The following IQGAP1 variants were observed in gnomAD, a reference collection of about 807,000 sequenced individuals.
IQGAP1 encodes the protein ras GTPase-activating-like protein IQGAP1.
IQGAP1 carries 66 observed loss-of-function variants against 215.6 expected under a neutral mutation model. The observed-to-expected ratio is 0.31, with a 90% CI of 0.25 to 0.38. IQGAP1 has a LOEUF of 0.38. IQGAP1 is among the 10% of genes least tolerant of loss of function. IQGAP1 has a pLI of 1.00. For missense variants in IQGAP1, 1,712 were observed against 1,997.1 expected (o/e 0.86, Z 2.72); for synonymous variants, 772 against 728.7 (o/e 1.06, Z -0.96).
chr15:90,456,408 G>T lies in IQGAP1; in HGVS notation c.1776+93G>T, dbSNP rs923162208. 21 of 1,256,936 alleles carry T rather than the reference G, an allele frequency of 1.7e-5. 1 individual carries two copies. The East Asian group carries it at 2.0e-4, about 12-fold the overall frequency. The allele number at this position is 1,256,936 out of a possible 1,614,324, so 77.9% of individuals were successfully genotyped here. ...AGGAATATCTTCCTTGATTCATTCAGTGAATGCCTTCTGGGCACCCTTAGA... is the reference window on the plus strand; with the variant it reads ...AGGAATATCTTCCTTGATTCATTCATTGAATGCCTTCTGGGCACCCTTAGA... On this transcript the variant is annotated intron_variant, in intron 15 of 37. Transcript: ENST00000268182.
At position 90,474,565 on chromosome 15, in the gene IQGAP1, G is replaced by A. The variant is rs1264241453; in HGVS notation, c.2656G>A (p.Glu886Lys). 6.2e-7 allele frequency: 1 copy of A among 1,614,182 alleles called. No homozygotes were observed. The highest frequency in any genetic ancestry group is 1.1e-5 in the South Asian group (1 of 91,080). ...LDQSDQDFQEELDLMKMREEV... is the reference protein window; with the variant it reads ...LDQSDQDFQEKLDLMKMREEV... ...CCAAAGTGACCAGGATTTTCAGGAGGAGCTTGACCTTATGAAGATGCGGGA... is the reference window on the plus strand; with the variant it reads ...CCAAAGTGACCAGGATTTTCAGGAGAAGCTTGACCTTATGAAGATGCGGGA... Residue 886 changes from glutamate (E) to lysine (K), a missense_variant, in exon 23 of 38, where the codon GAG (glutamate) becomes AAG (lysine). By Grantham distance (56) the Glu-to-Lys change is moderately conservative (BLOSUM62 1). This residue lies in a region of IQGAP1 where 1,021 missense variants were observed against 1,074.2 expected (regional missense o/e 0.95). Coordinates refer to ENST00000268182, the MANE Select transcript of IQGAP1 (RefSeq NM_003870.4).
intron 2 of IQGAP1, among the ~76,000 whole-genome samples, chr15:90,394,188 GTTTTTTTTT>G (rs34483049): frequency 8.0e-6 from 1 of 124,280 alleles, no homozygotes; most frequent in Non-Finnish European, 1.6e-5. Flanking sequence ...TGATCTTCAG[GTTTTTTTTT>G]TTTTTTTTAA....
chr15:90,413,760 T>C (rs1965002937), intron 2 of IQGAP1, among the ~76,000 whole-genome samples: 1 of 152,218 alleles, frequency 6.6e-6, no homozygotes, highest in East Asian at 1.9e-4. Context: ...TAGTATTTGG[T>C]ATGTATCATC....
chr15:90,489,699 C>T (rs1164498797), intron 33 of IQGAP1, among the ~76,000 whole-genome samples: 1 of 152,144 alleles, frequency 6.6e-6, no homozygotes, highest in Non-Finnish European at 1.5e-5. Context: ...TCTCAGCTGT[C>T]AGTTGCTATG....
intron 4 of IQGAP1, 104 bp from the exon 5 acceptor site, chr15:90,433,615 G>A: frequency 1.5e-6 from 1 of 671,852 alleles, no homozygotes; most frequent in Non-Finnish European, 2.6e-6. Context: ...TGCCACCGAT[G>A]TTTTCTAACT....
At chr15:90,429,561 A>T in intron 3 of IQGAP1, 28 bp from the exon 4 acceptor site, 1 of 1,518,320 alleles carries the variant, frequency 6.6e-7, no homozygotes, top group Non-Finnish European at 8.9e-7. Flanking sequence ...TACAGCCAAT[A>T]ATACCTAATT....
chr15:90,500,108 A>G lies in IQGAP1; in HGVS notation c.4974A>G (p.Ter1658=), dbSNP rs1596297809. Residue 1658 remains the stop codon, a stop_retained_variant, in exon 38 of 38, where the codon TAA becomes TAG. Coordinates refer to ENST00000268182, the MANE Select transcript of IQGAP1 (RefSeq NM_003870.4). ...FLLNKKFYGK[*] ...TCAACAAAAAGTTCTACGGGAAGTAATTGATCGTTTGCTGCCAGCCCAGAA... is the reference window on the plus strand; with the variant it reads ...TCAACAAAAAGTTCTACGGGAAGTAGTTGATCGTTTGCTGCCAGCCCAGAA... 6.4e-7 allele frequency: 1 copy of G among 1,551,236 alleles called. No homozygotes were observed. Among genetic ancestry groups the G allele is most frequent in the Non-Finnish European group, 8.9e-7 (1 of 1,122,664 alleles).
intron 15 of IQGAP1, among the ~76,000 whole-genome samples, chr15:90,463,425 A>G (rs768386753): frequency 1.3e-5 from 2 of 152,176 alleles, no homozygotes; most frequent in Non-Finnish European, 2.9e-5. Flanking sequence ...TTATGATACG[A>G]GGATTTTTCT....
chr15:90,435,261 G>A (rs1483981622), intron 5 of IQGAP1, among the ~76,000 whole-genome samples: 1 of 152,120 alleles, frequency 6.6e-6, no homozygotes, highest in Non-Finnish European at 1.5e-5. Context: ...AGGATTGCTT[G>A]AAGCCAGGAG....
intron 23 of IQGAP1, among the ~76,000 whole-genome samples, chr15:90,475,094 G>A (rs956742436): frequency 2.0e-5 from 3 of 148,654 alleles, no homozygotes; most frequent in Non-Finnish European, 3.0e-5. Flanking sequence ...CTGCCTCGCA[G>A]GTTCAGCGAT....
At chr15:90,494,113 A>G (rs564174285) in intron 35 of IQGAP1, 1 of 152,082 alleles carries the variant, frequency 6.6e-6, no homozygotes, top group East Asian at 1.9e-4. Flanking sequence ...AGTTGTTTCC[A>G]GTTGTTTGTT....
chr15:90,423,923 A>T (rs1320210423), intron 2 of IQGAP1, among the ~76,000 whole-genome samples: 1 of 151,944 alleles, frequency 6.6e-6, no homozygotes, highest in Non-Finnish European at 1.5e-5. Flanking sequence ...AAACCTAAAT[A>T]CCTCTGGTAA....
In IQGAP1 at chr15:90,484,303, C is replaced by G. The variant is rs1305618640; in HGVS notation, c.3872C>G (p.Thr1291Ser). 6 of 1,612,572 alleles carry G rather than the reference C, an allele frequency of 3.7e-6. No homozygotes were observed. Among genetic ancestry groups the G allele is most frequent in the Non-Finnish European group, 5.1e-6 (6 of 1,178,742 alleles). ...VDEYSDLVTL[T>S]KPVIYISIGE... is the part of the protein sequence containing the mutation. The stretch of plus-strand genomic sequence containing the variant: ...GAGTACTCTGATTTAGTAACCCTCA[C>G]CAAACCAGTAATCTACATTTCCATT... Residue 1291 changes from threonine (T) to serine (S), a missense_variant, in exon 30 of 38, where the codon ACC becomes AGC. Thr to Ser is a moderately conservative substitution (Grantham distance 58, BLOSUM62 1). Transcript: ENST00000268182.
chr15:90,487,611 T>C, intron 33 of IQGAP1, 29 bp downstream of exon 33: 1 of 1,448,708 alleles, frequency 6.9e-7, no homozygotes, highest in East Asian at 2.3e-5. Flanking sequence ...CATACTCCTT[T>C]GTTTGGTAGA....
intron 3 of IQGAP1, among the ~76,000 whole-genome samples, chr15:90,427,214 A>G (rs1279890363): frequency 6.6e-6 from 1 of 152,106 alleles, no homozygotes. Flanking sequence ...GGGAGTTAGT[A>G]TTGCGCCACT....
chr15:90,392,251 T>G (rs1267438293), intron 2 of IQGAP1, among the ~76,000 whole-genome samples: 1 of 152,222 alleles, frequency 6.6e-6, no homozygotes, highest in Admixed American at 6.5e-5. Context: ...AGTGATGACT[T>G]AAGTGAGGAG....
At chr15:90,454,048 C>T (rs1030983166) in intron 13 of IQGAP1, among the ~76,000 whole-genome samples, 2 of 152,192 alleles carry the variant, frequency 1.3e-5, no homozygotes, top group Non-Finnish European at 2.9e-5. Context: ...TAAGCATTCA[C>T]GTGATATTTT....
At chr15:90,469,536 C>A (rs1296685118) in intron 18 of IQGAP1, among the ~76,000 whole-genome samples, 1 of 152,138 alleles carries the variant, frequency 6.6e-6, no homozygotes, top group Non-Finnish European at 1.5e-5. Flanking sequence ...CTGTTCTGGG[C>A]ATTGAGAAGA....
rs1252558787 is a variant in IQGAP1, at chr15:90,426,156, C to G, written c.202C>G (p.Leu68Val). Reference protein sequence around the residue: ...LGEDLPPTTELEEGLRNGVYL... With the variant: ...LGEDLPPTTEVEEGLRNGVYL... ...GGAAGATCTGCCTCCCACCACAGAA[C>G]TGGAGGAGGGGCTTAGGAATGGGGT... The change falls in exon 3 of 38, where the codon CTG (leucine) becomes GTG (valine). Residue 68 changes from leucine to valine, a missense_variant. By Grantham distance (32) the Leu-to-Val change is conservative. Around this residue, in one of 2 missense-constraint regions of IQGAP1, gnomAD observed 1,021 missense variants for 1,074.2 expected, o/e 0.95. Coordinates refer to ENST00000268182, the MANE Select transcript of IQGAP1 (RefSeq NM_003870.4). The G allele has an allele frequency of 1.2e-6, 2 of 1,605,220 alleles. No individual in the cohort carries two copies. Among genetic ancestry groups the G allele is most frequent in the Admixed American group, 3.4e-5 (2 of 58,610 alleles).
Sources: gnomAD v4.1 joint callset for allele counts (sites outside exome capture counted in the v4.1 genomes callset) on GRCh38, gnomAD v4.1.1 for gene constraint, gnomAD v4.1.1 regional missense constraint, MANE v1.5 for transcripts, NCBI Gene and HGNC (gene_info 2026-07-23, HGNC 2026-07-21) for gene names.